Variants in MIS18A observed in about 807,000 individuals in gnomAD.
MIS18A encodes the protein MIS18 kinetochore protein A, also known as protein Mis18-alpha.
Under a neutral mutation model 25.0 loss-of-function variants are expected in MIS18A, and 14 were observed. The ratio of observed to expected loss-of-function variants is 0.56; its 90% CI spans 0.37 to 0.88. MIS18A has a LOEUF of 0.88. Among genes scored for constraint, MIS18A ranks in the 40% least tolerant of loss-of-function variants. The probability of loss-of-function intolerance (pLI) is 0.00; values close to 1 mark genes in which losing one functional copy is unlikely to be tolerated. For missense variants in MIS18A, 292 were observed against 290.8 expected, an observed-to-expected ratio of 1.00 and a Z score of -0.03; for synonymous variants, 134 against 118.6, an observed-to-expected ratio of 1.13 and a Z score of -0.84.
Position 32,268,929 on chromosome 21 carries a change from A to ATTTTTTTTTTTTTTTTTTT in MIS18A, c.*107_*108insAAAAAAAAAAAAAAAAAAA. On this transcript the variant is annotated 3_prime_UTR_variant, in exon 5 of 5. Coordinates refer to ENST00000290130, the MANE Select transcript of MIS18A (RefSeq NM_018944.3). Reference sequence around the variant, plus strand: ...CCTCAGCGTTTCGCATGCCTGGCTAATTTTTTTTTTCTTTTTTTTTTTGTA... The same window carrying ATTTTTTTTTTTTTTTTTTT: ...CCTCAGCGTTTCGCATGCCTGGCTAATTTTTTTTTTTTTTTTTTTTTTTTTTTTTCTTTTTTTTTTTGTA... 1 of 732,374 alleles carries ATTTTTTTTTTTTTTTTTTT rather than the reference A, an allele frequency of 1.4e-6. No individual in the cohort carries two copies. The highest frequency in any genetic ancestry group is 3.0e-4 in the Middle Eastern group (1 of 3,356). 45.4% of individuals were successfully genotyped at this position (732,374 alleles called of 1,614,324 possible).
At chr21:32,191,978 C>G in the MIS18A span, among the ~76,000 whole-genome samples, 3 of 152,160 alleles carry the variant, frequency 2.0e-5, no homozygotes, top group Non-Finnish European at 4.4e-5. Context: ...CCCTTACCCC[C>G]TTTTACCCAT....
At chr21:32,261,473 CG>C in the MIS18A span, 1 of 152,142 alleles carries the variant, frequency 6.6e-6, no homozygotes, top group East Asian at 1.9e-4. Flanking sequence ...AGTATGCTTG[CG>C]GGTCAAGATA....
the MIS18A span, among the ~76,000 whole-genome samples, chr21:32,239,379 T>C: frequency 6.6e-6 from 1 of 152,214 alleles, no homozygotes; most frequent in Non-Finnish European, 1.5e-5. Context: ...CAATTTTTCA[T>C]TCCCAGGAGC....
chr21:32,266,660 C>A (rs372298562), downstream of MIS18A, among the ~76,000 whole-genome samples: 1 of 152,028 alleles, frequency 6.6e-6, no homozygotes, highest in African/African-American at 2.4e-5. Flanking sequence ...ACCAAGACCA[C>A]GAACCCACCA....
chr21:32,237,849 T>C, the MIS18A span, among the ~76,000 whole-genome samples: 2 of 152,050 alleles, frequency 1.3e-5, no homozygotes, highest in Admixed American at 6.5e-5. Context: ...CAACCAGAAG[T>C]AGCTAAAAGG....
chr21:32,178,494 T>C, the MIS18A span, among the ~76,000 whole-genome samples: 1 of 152,244 alleles, frequency 6.6e-6, no homozygotes, highest in East Asian at 1.9e-4. Flanking sequence ...AAATGTCTAC[T>C]TACTAAACTA....
the MIS18A span, among the ~76,000 whole-genome samples, chr21:32,195,473 G>A: frequency 6.6e-6 from 1 of 152,156 alleles, no homozygotes; most frequent in Non-Finnish European, 1.5e-5. Flanking sequence ...CCCTCACCAC[G>A]GGGGCTGGCT....
the MIS18A span, among the ~76,000 whole-genome samples, chr21:32,167,818 G>A: frequency 1.2e-4 from 18 of 152,088 alleles, no homozygotes; most frequent in African/African-American, 4.1e-4. Context: ...CAAAGACAAG[G>A]AAAAAAGTCT....
the MIS18A span, among the ~76,000 whole-genome samples, chr21:32,223,349 C>G: frequency 6.6e-6 from 1 of 151,774 alleles, no homozygotes; most frequent in African/African-American, 2.4e-5. Context: ...AGCTGGTTTT[C>G]TGAAAAGATT....
the MIS18A span, among the ~76,000 whole-genome samples, chr21:32,212,056 T>C: frequency 6.6e-6 from 1 of 152,196 alleles, no homozygotes; most frequent in Non-Finnish European, 1.5e-5. Context: ...TAATGCCTTT[T>C]TACCAGCAGT....
the MIS18A span, among the ~76,000 whole-genome samples, chr21:32,164,763 A>G: frequency 2.0e-5 from 3 of 152,006 alleles, no homozygotes; most frequent in African/African-American, 7.2e-5. Context: ...CATCCAGCAC[A>G]CTCCATTTAA....
At chr21:32,205,919 G>A in the MIS18A span, among the ~76,000 whole-genome samples, 8 of 149,340 alleles carry the variant, frequency 5.4e-5, no homozygotes, top group African/African-American at 1.0e-4. Context: ...GGATAGGGGG[G>A]TTTGAGAGAC....
chr21:32,229,247 T>G, the MIS18A span, among the ~76,000 whole-genome samples: 1 of 152,192 alleles, frequency 6.6e-6, no homozygotes, highest in Non-Finnish European at 1.5e-5. Context: ...GCAGGAAAGT[T>G]CTTCAAGGAC....
chr21:32,249,013 C>A, the MIS18A span, among the ~76,000 whole-genome samples: 3 of 152,246 alleles, frequency 2.0e-5, no homozygotes, highest in East Asian at 5.8e-4. Flanking sequence ...AATGAAATTA[C>A]TTTTCCCCTG....
chr21:32,204,718 C>A, the MIS18A span, among the ~76,000 whole-genome samples: 2,695 of 150,822 alleles, frequency 0.018, 85 homozygotes, highest in African/African-American at 0.061. Flanking sequence ...GAAACCCTGT[C>A]TCTATCAAAA....
the MIS18A span, among the ~76,000 whole-genome samples, chr21:32,219,136 A>G: frequency 3.9e-5 from 6 of 152,122 alleles, 1 homozygote; most frequent in South Asian, 1.0e-3. Context: ...CAACCAAAAG[A>G]AACAGATTGG....
the MIS18A span, among the ~76,000 whole-genome samples, chr21:32,244,641 G>A: frequency 4.6e-5 from 7 of 152,274 alleles, no homozygotes; most frequent in African/African-American, 1.4e-4. Context: ...GGAGGCTGAG[G>A]TGGGAGGACT....
the MIS18A span, among the ~76,000 whole-genome samples, chr21:32,189,058 G>A: frequency 2.0e-5 from 3 of 152,166 alleles, no homozygotes; most frequent in Non-Finnish European, 2.9e-5. Flanking sequence ...AACCCACAGT[G>A]GCATTTCTGG....
At chr21:32,270,084 A>G (rs1264995689) in intron 3 of MIS18A, among the ~76,000 whole-genome samples, 2 of 152,200 alleles carry the variant, frequency 1.3e-5, no homozygotes, top group Non-Finnish European at 2.9e-5. Context: ...TTAAAAAAAT[A>G]AGTTTTAAAA....
Sources: allele counts gnomAD v4.1 joint callset (sites outside exome capture counted in the v4.1 genomes callset), GRCh38; gene constraint gnomAD v4.1.1; transcripts MANE v1.5; gene names NCBI Gene and HGNC (gene_info 2026-07-23, HGNC 2026-07-21).